PDE8B: variants seen among roughly 807,000 people sequenced by gnomAD.
PDE8B encodes the protein phosphodiesterase 8B, also known as high affinity cAMP-specific and IBMX-insensitive 3',5'-cyclic phosphodiesterase 8B.
In PDE8B, 26 loss-of-function variants were observed where a neutral mutation model predicts 101.3. The observed-to-expected ratio is 0.26, with a 90% CI of 0.19 to 0.36. The LOEUF is 0.36. Among genes scored for constraint, PDE8B ranks in the 10% least tolerant of loss-of-function variants. The pLI is 1.00. For missense variants in PDE8B, 810 were observed against 1,163.1 expected (o/e 0.70, Z 4.42); for synonymous variants, 424 against 429.3 (o/e 0.99, Z 0.15).
At chr5:77,346,640 T>A (rs1780204443) in intron 7 of PDE8B, among the ~76,000 whole-genome samples, 1 of 152,188 alleles carries the variant, frequency 6.6e-6, no homozygotes, top group African/African-American at 2.4e-5. Flanking sequence ...AGCAGGAGCA[T>A]GAGGCCAGTA....
At chr5:77,120,399 T>G in the PDE8B span, among the ~76,000 whole-genome samples, 12 of 152,224 alleles carry the variant, frequency 7.9e-5, no homozygotes, top group African/African-American at 2.7e-4. Context: ...TTCATTTTAT[T>G]GAATATAAAT....
intron 1 of PDE8B, among the ~76,000 whole-genome samples, chr5:77,281,837 C>T (rs1046822039): frequency 6.6e-6 from 1 of 152,074 alleles, no homozygotes; most frequent in South Asian, 2.1e-4. Flanking sequence ...ATCACTTCAC[C>T]CCCTGTAAAT....
chr5:77,345,660 G>C (rs1426897677), intron 7 of PDE8B, among the ~76,000 whole-genome samples: 1 of 152,218 alleles, frequency 6.6e-6, no homozygotes, highest in Non-Finnish European at 1.5e-5. Context: ...GTGTAGCAGA[G>C]AAACCTTTCA....
chr5:77,134,933 C>T, the PDE8B span, among the ~76,000 whole-genome samples: 3 of 152,220 alleles, frequency 2.0e-5, no homozygotes, highest in Non-Finnish European at 2.9e-5. Context: ...TGGACTGTGG[C>T]AGTCCTGGAG....
chr5:77,416,988 G>A (rs1581593653), intron 17 of PDE8B, among the ~76,000 whole-genome samples: 2 of 151,944 alleles, frequency 1.3e-5, no homozygotes, highest in East Asian at 2.0e-4. Flanking sequence ...CTTTCTGCCT[G>A]GAATTGCCCT....
chr5:77,343,331 A>C (rs912859721), intron 6 of PDE8B, among the ~76,000 whole-genome samples: 3 of 152,230 alleles, frequency 2.0e-5, no homozygotes, highest in Non-Finnish European at 1.5e-5. Context: ...GTGTACTTAC[A>C]CAAGCCTACG....
At position 77,210,895 on chromosome 5, in the gene PDE8B, G is replaced by T. The variant is rs1304319423; in HGVS notation, c.-31G>T. On this transcript the variant is annotated 5_prime_UTR_variant, in exon 1 of 22. Coordinates refer to ENST00000264917, the MANE Select transcript of PDE8B (RefSeq NM_003719.5). This position sits in a 1 kb window ranked among gnomAD's most constrained non-coding sequence, Gnocchi z 4.9. The stretch of plus-strand genomic sequence containing the variant: ...GCTGGGTCCCGGCGGCCGCGGGCGC[G>T]GGCGGGCGCGCGGGGGAGCCCGGCC... 2.4e-6 allele frequency: 3 copies of T among 1,271,532 alleles called. No individual in the cohort carries two copies. The highest frequency in any genetic ancestry group is 4.2e-5 in the Admixed American group (1 of 23,836). The allele number at this position is 1,271,532 out of a possible 1,614,324, so 78.8% of individuals were successfully genotyped here. A position where few individuals can be genotyped will look rare whatever the true frequency, so the allele number is the denominator to read the frequency against.
the PDE8B span, among the ~76,000 whole-genome samples, chr5:77,123,890 G>A: frequency 6.6e-6 from 1 of 152,162 alleles, no homozygotes; most frequent in South Asian, 2.1e-4. Flanking sequence ...ACACAGAGCT[G>A]GGAATCATTT....
chr5:77,105,049 A>G, the PDE8B span: 2 of 152,186 alleles, frequency 1.3e-5, no homozygotes, highest in Admixed American at 6.5e-5. Flanking sequence ...TATAGAGGGA[A>G]TGAGTCAGAC....
In PDE8B at chr5:77,299,422, C is replaced by G. The variant is rs28527260; in HGVS notation, c.340-12572C>G. Reference sequence around the variant, plus strand: ...TATCTCCTAATGCTATCCCTCCCCCCTCCCCCCACCCCACAACAGTCCCCG... The same window carrying G: ...TATCTCCTAATGCTATCCCTCCCCCGTCCCCCCACCCCACAACAGTCCCCG... On this transcript the variant is annotated intron_variant, in intron 1 of 21. Coordinates refer to ENST00000264917, the MANE Select transcript of PDE8B (RefSeq NM_003719.5). Among the ~76,000 whole-genome samples, 5 of 118,268 alleles carry G rather than the reference C, an allele frequency of 4.2e-5. 1 individual carries two copies. In the South Asian group the frequency reaches 1.2e-3, roughly 27 times the overall value. 77.6% of individuals were successfully genotyped at this position (118,268 alleles called of 152,430 possible).
chr5:77,126,786 A>G, the PDE8B span, among the ~76,000 whole-genome samples: 2 of 152,244 alleles, frequency 1.3e-5, no homozygotes, highest in Non-Finnish European at 1.5e-5. Flanking sequence ...TGAATTCCTG[A>G]TGAAAACTTT....
chr5:77,217,136 C>T (rs1224947720), intron 1 of PDE8B, among the ~76,000 whole-genome samples: 4 of 152,146 alleles, frequency 2.6e-5, no homozygotes, highest in Non-Finnish European at 5.9e-5. Context: ...TCCTTCTCTT[C>T]AGTTCATTCT....
intron 10 of PDE8B, among the ~76,000 whole-genome samples, chr5:77,390,039 A>G (rs568302882): frequency 6.6e-6 from 1 of 152,330 alleles, no homozygotes; most frequent in South Asian, 2.1e-4. Context: ...GTACAATTTT[A>G]TACTCCCTCC....
the PDE8B span, among the ~76,000 whole-genome samples, chr5:77,109,789 C>T: frequency 3.6e-3 from 554 of 152,086 alleles, 2 homozygotes; most frequent in African/African-American, 0.013. Flanking sequence ...GTTTATATGA[C>T]GATTAGTATC....
At chr5:77,248,803 T>C (rs1315894235) in intron 1 of PDE8B, among the ~76,000 whole-genome samples, 1 of 152,120 alleles carries the variant, frequency 6.6e-6, no homozygotes, top group Non-Finnish European at 1.5e-5. Flanking sequence ...TTTAAGGTGG[T>C]GATTAAGGCT....
rs548888297 is a variant in PDE8B, at chr5:77,289,814, G to GAAGAT, written c.340-22180_340-22179insAAGAT. On this transcript the variant is annotated intron_variant, in intron 1 of 21. Coordinates refer to ENST00000264917, the MANE Select transcript of PDE8B (RefSeq NM_003719.5). ...ATTTCCTGTGATCTTGTGGGAAGAGGGTGGGTAAAGTTAGATAATCTAGAA... is the reference window on the plus strand; with the variant it reads ...ATTTCCTGTGATCTTGTGGGAAGAGGAAGATGTGGGTAAAGTTAGATAATCTAGAA... 8.1e-3 allele frequency among the ~76,000 whole-genome samples: 1,232 copies of GAAGAT among 152,210 alleles called. 7 individuals carry two copies. The highest frequency in any genetic ancestry group is 0.011 in the Non-Finnish European group (770 of 68,012).
chr5:77,310,204 G>A (rs1190990698), intron 1 of PDE8B, among the ~76,000 whole-genome samples: 2 of 152,216 alleles, frequency 1.3e-5, no homozygotes, highest in Non-Finnish European at 2.9e-5. Context: ...GCCCACCTCG[G>A]CCTCCCAAAG....
chr5:77,136,310 G>A, the PDE8B span, among the ~76,000 whole-genome samples: 3 of 151,830 alleles, frequency 2.0e-5, no homozygotes, highest in Admixed American at 6.6e-5. Flanking sequence ...GTTTTGTTTG[G>A]TTTGACTTTT....
chr5:77,317,794 C>T (rs1459205676), intron 2 of PDE8B, among the ~76,000 whole-genome samples: 1 of 152,060 alleles, frequency 6.6e-6, no homozygotes, highest in East Asian at 1.9e-4. Flanking sequence ...TCCAACTGGA[C>T]ATGGAAATGG....
Sources: allele counts gnomAD v4.1 joint callset (sites outside exome capture counted in the v4.1 genomes callset), GRCh38; gene constraint gnomAD v4.1.1; non-coding constraint Gnocchi (gnomAD v3.1); transcripts MANE v1.5; gene names NCBI Gene and HGNC (gene_info 2026-07-23, HGNC 2026-07-21).